PABPC4L: variants seen among roughly 807,000 people sequenced by gnomAD.
PABPC4L encodes the protein polyadenylate-binding protein 4-like.
For synonymous variants in PABPC4L, 169 were observed against 164.1 expected, an observed-to-expected ratio of 1.03 and a Z score of -0.23; for missense variants, 452 against 451.4, an observed-to-expected ratio of 1.00 and a Z score of -0.01.
chr4:134,081,748 C>G, the PABPC4L span, among the ~76,000 whole-genome samples: 1 of 151,944 alleles, frequency 6.6e-6, no homozygotes, highest in Non-Finnish European at 1.5e-5. Flanking sequence ...AAAGAAAAAC[C>G]AACTAACCAA....
the PABPC4L span, among the ~76,000 whole-genome samples, chr4:134,093,422 G>A: frequency 6.6e-6 from 1 of 151,314 alleles, no homozygotes; most frequent in Admixed American, 6.6e-5. Flanking sequence ...TCCAAGAGTT[G>A]TTTAACATAA....
chr4:133,970,428 G>C, the PABPC4L span, among the ~76,000 whole-genome samples: 2 of 152,056 alleles, frequency 1.3e-5, no homozygotes, highest in Non-Finnish European at 2.9e-5. Flanking sequence ...TGAAAATCTG[G>C]ACCCACAGCT....
At chr4:133,985,575 T>C in the PABPC4L span, among the ~76,000 whole-genome samples, 1 of 152,128 alleles carries the variant, frequency 6.6e-6, no homozygotes, top group South Asian at 2.1e-4. Flanking sequence ...AAGAAGGATA[T>C]TCAACAAGGT....
chr4:134,057,858 C>A, the PABPC4L span, among the ~76,000 whole-genome samples: 175 of 152,078 alleles, frequency 1.2e-3, no homozygotes, highest in African/African-American at 3.8e-3. Flanking sequence ...ATATAATTTT[C>A]AGGGATTCTA....
the PABPC4L span, among the ~76,000 whole-genome samples, chr4:134,146,975 G>T: frequency 6.6e-6 from 1 of 152,038 alleles, no homozygotes; most frequent in Non-Finnish European, 1.5e-5. Flanking sequence ...GTCTACTTAG[G>T]AATTTGTCTG....
At chr4:134,029,626 A>G in the PABPC4L span, among the ~76,000 whole-genome samples, 5 of 151,912 alleles carry the variant, frequency 3.3e-5, no homozygotes, top group African/African-American at 1.2e-4. Context: ...CATTATTTTC[A>G]GTTATTTCAT....
At chr4:134,063,517 A>G in the PABPC4L span, among the ~76,000 whole-genome samples, 3 of 152,186 alleles carry the variant, frequency 2.0e-5, no homozygotes, top group African/African-American at 7.2e-5. Flanking sequence ...GTATAAAGAC[A>G]ATTAAAGTAA....
the PABPC4L span, among the ~76,000 whole-genome samples, chr4:134,043,307 G>A: frequency 6.6e-6 from 1 of 152,032 alleles, no homozygotes; most frequent in Admixed American, 6.6e-5. Flanking sequence ...AACTATATGA[G>A]GACTGTAGTT....
At chr4:134,184,270 T>C in the PABPC4L span, among the ~76,000 whole-genome samples, 1 of 152,096 alleles carries the variant, frequency 6.6e-6, no homozygotes, top group South Asian at 2.1e-4. Flanking sequence ...GTACTGAATC[T>C]GCTGAATGTC....
the PABPC4L span, among the ~76,000 whole-genome samples, chr4:134,106,552 A>G: frequency 6.6e-6 from 1 of 151,582 alleles, no homozygotes; most frequent in Non-Finnish European, 1.5e-5. Context: ...GAATTTAACA[A>G]TTAGTGAGAC....
the PABPC4L span, among the ~76,000 whole-genome samples, chr4:134,115,346 G>A: frequency 6.6e-6 from 1 of 151,800 alleles, no homozygotes; most frequent in Non-Finnish European, 1.5e-5. Flanking sequence ...AATAAGTGAT[G>A]ACTTGCCTGA....
chr4:133,956,598 C>G, the PABPC4L span, among the ~76,000 whole-genome samples: 1 of 152,076 alleles, frequency 6.6e-6, no homozygotes, highest in African/African-American at 2.4e-5. Context: ...TGAGGGGTGT[C>G]TACTATGCAC....
chr4:134,075,962 A>G, the PABPC4L span, among the ~76,000 whole-genome samples: 1 of 152,122 alleles, frequency 6.6e-6, no homozygotes, highest in Non-Finnish European at 1.5e-5. Context: ...CCAGGAAATA[A>G]GTAAAGTAAA....
chr4:134,129,697 T>A, the PABPC4L span, among the ~76,000 whole-genome samples: 2 of 152,026 alleles, frequency 1.3e-5, no homozygotes, highest in Non-Finnish European at 2.9e-5. Context: ...ATGATAATAG[T>A]GACAAAACCT....
the PABPC4L span, among the ~76,000 whole-genome samples, chr4:134,093,315 A>G: frequency 6.6e-6 from 1 of 151,722 alleles, no homozygotes; most frequent in East Asian, 1.9e-4. Context: ...TTTTAGTGAC[A>G]AAAGTACTTA....
the PABPC4L span, among the ~76,000 whole-genome samples, chr4:134,010,316 T>C: frequency 6.6e-6 from 1 of 152,128 alleles, no homozygotes; most frequent in Non-Finnish European, 1.5e-5. Flanking sequence ...AAAGCTCATG[T>C]AAAATAATAC....
the PABPC4L span, among the ~76,000 whole-genome samples, chr4:133,952,255 C>T: frequency 1.2e-4 from 19 of 152,214 alleles, no homozygotes; most frequent in Non-Finnish European, 1.9e-4. Context: ...GGTACTGTGG[C>T]TTTCTCCCAG....
the PABPC4L span, among the ~76,000 whole-genome samples, chr4:134,188,629 A>G: frequency 6.6e-6 from 1 of 152,062 alleles, no homozygotes; most frequent in African/African-American, 2.4e-5. Flanking sequence ...TTCTCTCAAC[A>G]CTTTAAATCT....
At chr4:134,004,110 G>A in the PABPC4L span, among the ~76,000 whole-genome samples, 111 of 151,680 alleles carry the variant, frequency 7.3e-4, 2 homozygotes, top group African/African-American at 2.5e-3. Context: ...TACCTCAAAG[G>A]CACAGGCAAC....
Sources: gnomAD v4.1 joint callset for allele counts (sites outside exome capture counted in the v4.1 genomes callset) on GRCh38, gnomAD v4.1.1 for gene constraint, MANE v1.5 for transcripts, NCBI Gene and HGNC (gene_info 2026-07-23, HGNC 2026-07-21) for gene names.